The following SEMA6D variants were observed in gnomAD, a reference collection of about 807,000 sequenced individuals.
The protein encoded by SEMA6D is semaphorin 6D.
SEMA6D carries 35 observed loss-of-function variants against 106.6 expected under a neutral mutation model. That is an observed-to-expected ratio of 0.33 (90% confidence interval 0.25 to 0.44). SEMA6D has a LOEUF of 0.44. Among genes scored for constraint, SEMA6D ranks in the 20% least tolerant of loss-of-function variants. The probability of loss-of-function intolerance (pLI) is 1.00; values close to 1 mark genes in which losing one functional copy is unlikely to be tolerated. For missense variants in SEMA6D, 1,185 were observed against 1,345.9 expected (o/e 0.88, Z 1.87); for synonymous variants, 499 against 487.7 (o/e 1.02, Z -0.31).
intron 3 of SEMA6D, among the ~76,000 whole-genome samples, chr15:47,513,941 C>A (rs974795509): frequency 3.3e-5 from 5 of 152,180 alleles, no homozygotes; most frequent in African/African-American, 1.2e-4. Flanking sequence ...ATAGGGACTC[C>A]AAGTCGTTGA....
At chr15:47,297,302 T>G (rs2035842383) in intron 1 of SEMA6D, among the ~76,000 whole-genome samples, 1 of 152,238 alleles carries the variant, frequency 6.6e-6, no homozygotes, top group Non-Finnish European at 1.5e-5. Context: ...TGTCTGTTAG[T>G]CCTCAGTTTA....
At chr15:47,692,962 T>G (rs1309857897) in intron 4 of SEMA6D, among the ~76,000 whole-genome samples, 71 of 152,282 alleles carry the variant, frequency 4.7e-4, no homozygotes, top group Non-Finnish European at 5.9e-5. Context: ...AGTATCCCTC[T>G]CCCACCCTCA....
intron 3 of SEMA6D, among the ~76,000 whole-genome samples, chr15:47,563,533 C>A (rs2046139988): frequency 1.3e-5 from 2 of 152,272 alleles, no homozygotes; most frequent in Admixed American, 6.5e-5. Context: ...ATCTCCACAG[C>A]CCTTCCTGAA....
intron 2 of SEMA6D, among the ~76,000 whole-genome samples, chr15:47,455,416 C>T (rs2042318380): frequency 6.6e-6 from 1 of 151,892 alleles, no homozygotes; most frequent in South Asian, 2.1e-4. Flanking sequence ...GAAAATGAAA[C>T]TACATTCATG....
At chr15:47,443,516 T>C (rs1409782489) in intron 2 of SEMA6D, among the ~76,000 whole-genome samples, 4 of 152,124 alleles carry the variant, frequency 2.6e-5, no homozygotes, top group African/African-American at 9.7e-5. Flanking sequence ...TCACACCTGA[T>C]GTCCCAGCTC....
chr15:47,514,209 T>C (rs2044317794), intron 3 of SEMA6D, among the ~76,000 whole-genome samples: 1 of 152,206 alleles, frequency 6.6e-6, no homozygotes, highest in Non-Finnish European at 1.5e-5. Context: ...TCTATGTTTT[T>C]TCCTGGGGGC....
At chr15:47,327,180 A>G (rs1165007670) in intron 1 of SEMA6D, among the ~76,000 whole-genome samples, 1 of 152,178 alleles carries the variant, frequency 6.6e-6, no homozygotes, top group Non-Finnish European at 1.5e-5. Flanking sequence ...ACCTTGGTTT[A>G]AGTTATTTAG....
chr15:47,490,814 T>C (rs1429629693), intron 3 of SEMA6D, among the ~76,000 whole-genome samples: 1 of 152,214 alleles, frequency 6.6e-6, no homozygotes, highest in Non-Finnish European at 1.5e-5. Flanking sequence ...ATAGCCATTT[T>C]AGAAAACAGT....
intron 1 of SEMA6D, among the ~76,000 whole-genome samples, chr15:47,743,375 T>C (rs1266266734): frequency 2.0e-5 from 3 of 152,298 alleles, no homozygotes; most frequent in African/African-American, 7.2e-5. Context: ...TGTGGAGATT[T>C]TTCAATGTTT....
At chr15:47,524,829 A>G (rs2044700386) in intron 3 of SEMA6D, among the ~76,000 whole-genome samples, 1 of 152,198 alleles carries the variant, frequency 6.6e-6, no homozygotes, top group Non-Finnish European at 1.5e-5. Context: ...ACTGAATGTT[A>G]GGGCCCTTCC....
chr15:47,240,379 A>G (rs1450510307), intron 1 of SEMA6D, among the ~76,000 whole-genome samples: 1 of 152,210 alleles, frequency 6.6e-6, no homozygotes, highest in African/African-American at 2.4e-5. Context: ...GGTAAAATGA[A>G]GGAACTATAA....
chr15:47,546,843 A>G (rs781672929), intron 3 of SEMA6D, among the ~76,000 whole-genome samples: 3 of 151,962 alleles, frequency 2.0e-5, no homozygotes, highest in Non-Finnish European at 2.9e-5. Context: ...CCCCTAAGAC[A>G]CAGTTGTATC....
intron 4 of SEMA6D, among the ~76,000 whole-genome samples, chr15:47,693,891 C>G (rs142242710): frequency 1.3e-5 from 2 of 151,972 alleles, no homozygotes; most frequent in Non-Finnish European, 2.9e-5. Context: ...TTCAGTGAGC[C>G]GTGATCGCAC....
chr15:47,447,476 T>C (rs930103955), intron 2 of SEMA6D, among the ~76,000 whole-genome samples: 7 of 152,052 alleles, frequency 4.6e-5, no homozygotes, highest in Non-Finnish European at 8.8e-5. Context: ...AGCTTGCCTA[T>C]AGCTAAAGGG....
intron 1 of SEMA6D, among the ~76,000 whole-genome samples, chr15:47,273,287 A>G (rs1045309768): frequency 6.6e-6 from 1 of 150,746 alleles, no homozygotes; most frequent in Non-Finnish European, 1.5e-5. Context: ...TTTTGTACTT[A>G]CAGTGCCCAA....
intron 3 of SEMA6D, among the ~76,000 whole-genome samples, chr15:47,527,121 G>T (rs527260619): frequency 2.0e-5 from 3 of 152,296 alleles, no homozygotes; most frequent in Admixed American, 6.5e-5. Flanking sequence ...TCTCCATGAG[G>T]AGTGTTTGCC....
At chr15:47,650,847 C>T (rs747662447) in intron 4 of SEMA6D, among the ~76,000 whole-genome samples, 1 of 152,108 alleles carries the variant, frequency 6.6e-6, no homozygotes, top group Non-Finnish European at 1.5e-5. Context: ...AAATTACGCT[C>T]AAATTTCCTG....
intron 1 of SEMA6D, among the ~76,000 whole-genome samples, chr15:47,368,684 T>C (rs1042449993): frequency 2.6e-5 from 4 of 152,190 alleles, no homozygotes; most frequent in Admixed American, 1.3e-4. Context: ...AGTTCAATAA[T>C]ACTAATCCTT....
At chr15:47,689,324 T>A (rs567190824) in intron 4 of SEMA6D, among the ~76,000 whole-genome samples, 8 of 152,352 alleles carry the variant, frequency 5.3e-5, no homozygotes, top group Middle Eastern at 3.4e-3. Flanking sequence ...TAGAAGATGC[T>A]ATAAGAAGGC....
Sources: allele counts gnomAD v4.1 joint callset (sites outside exome capture counted in the v4.1 genomes callset), GRCh38; gene constraint gnomAD v4.1.1; transcripts MANE v1.5; gene names NCBI Gene and HGNC (gene_info 2026-07-23, HGNC 2026-07-21).